The following TENM1 variants were observed in gnomAD, a reference collection of about 807,000 sequenced individuals.
TENM1 encodes teneurin transmembrane protein 1.
In TENM1, 35 loss-of-function variants were observed where a neutral mutation model predicts 174.8. The ratio of observed to expected loss-of-function variants is 0.20; its 90% confidence interval spans 0.15 to 0.27. TENM1 has a LOEUF of 0.27. Ranked by LOEUF, TENM1 falls within the 10% of genes least tolerant of loss-of-function variation. The pLI is 1.00. For synonymous variants in TENM1, 781 were observed against 798.7 expected (o/e 0.98, Z 0.37); for missense variants, 1,633 against 2,130.1 (o/e 0.77, Z 4.59).
chrX:125,190,086 C>T, the TENM1 span, among the ~76,000 whole-genome samples: 4 of 111,108 alleles, frequency 3.6e-5, no homozygotes, highest in Admixed American at 9.6e-5. Context: ...AGAAAATAAT[C>T]GTGTTAATAA....
intron 3 of TENM1, among the ~76,000 whole-genome samples, chrX:124,740,145 G>A (rs184896985): frequency 1.7e-3 from 190 of 111,737 alleles, no homozygotes; most frequent in African/African-American, 5.9e-3. Flanking sequence ...CGAGGGAAGG[G>A]AGGAAAAGGT....
chrX:124,554,113 C>G (rs763786372), intron 14 of TENM1, among the ~76,000 whole-genome samples: 3 of 110,718 alleles, frequency 2.7e-5, no homozygotes, highest in Admixed American at 9.6e-5. Flanking sequence ...CATCCTCCCC[C>G]CCAAAAAATG....
At chrX:124,684,775 C>G (rs1170640631) in intron 5 of TENM1, among the ~76,000 whole-genome samples, 2 of 111,776 alleles carry the variant, frequency 1.8e-5, no homozygotes, top group African/African-American at 3.3e-5. Flanking sequence ...CCCTTATAGC[C>G]CTAAGCTGCA....
chrX:124,752,515 T>C (rs899934402), intron 3 of TENM1, among the ~76,000 whole-genome samples: 1 of 111,950 alleles, frequency 8.9e-6, no homozygotes, highest in East Asian at 2.8e-4. Flanking sequence ...CATTTGTCAA[T>C]TTTGGCTTTC....
the TENM1 span, among the ~76,000 whole-genome samples, chrX:125,179,371 T>C: frequency 9.0e-6 from 1 of 110,539 alleles, no homozygotes; most frequent in Non-Finnish European, 1.9e-5. Flanking sequence ...CTGGTGCTTT[T>C]GGGAGGCTGA....
At chrX:125,039,711 G>A in the TENM1 span, among the ~76,000 whole-genome samples, 1 of 111,196 alleles carries the variant, frequency 9.0e-6, no homozygotes, top group Non-Finnish European at 1.9e-5. Context: ...AGATTAAATT[G>A]CAGTTTATGT....
At position 124,809,118 on chromosome X, in the gene TENM1, C is replaced by T. The variant is rs755742313; in HGVS notation, c.536-71921G>A. On this transcript the variant is annotated intron_variant, in intron 3 of 31. Coordinates refer to ENST00000422452, the Ensembl canonical transcript of TENM1. ...AAACGAAAATCAGACATGAAAAAGA[C>T]ATTACAACTAGTAACACAGAAATAC... Among the ~76,000 whole-genome samples, 3 of 111,131 alleles carry T rather than the reference C, an allele frequency of 2.7e-5. No homozygotes were observed. The South Asian group carries it at 1.1e-3, about 42-fold the overall frequency.
chrX:125,181,376 A>T, the TENM1 span, among the ~76,000 whole-genome samples: 1 of 111,418 alleles, frequency 9.0e-6, no homozygotes, highest in African/African-American at 3.3e-5. Context: ...CAGCATTTTT[A>T]AAAAGGAAGA....
chrX:125,122,777 T>C, the TENM1 span, among the ~76,000 whole-genome samples: 1 of 111,564 alleles, frequency 9.0e-6, no homozygotes, highest in Non-Finnish European at 1.9e-5. Context: ...AGTCAGCATT[T>C]ATTTATTTGG....
At chrX:124,503,798 C>CT in intron 18 of TENM1, 95 bp from the exon 22 acceptor site, 2 of 882,012 alleles carry the variant, frequency 2.3e-6, no homozygotes, top group South Asian at 5.1e-5. Flanking sequence ...ACTTTGGCTA[C>CT]TGAATTCTGA....
the TENM1 span, among the ~76,000 whole-genome samples, chrX:125,059,063 C>T: frequency 4.9e-3 from 540 of 109,526 alleles, 2 homozygotes; most frequent in African/African-American, 0.017. Context: ...CTCTTCTTAC[C>T]CCCTCACAAC....
chrX:124,797,766 G>T (rs1308721753), intron 3 of TENM1, among the ~76,000 whole-genome samples: 1 of 109,628 alleles, frequency 9.1e-6, no homozygotes, highest in African/African-American at 3.3e-5. Context: ...GTGCCTTGGT[G>T]GTTTTCTGCA....
intron 3 of TENM1, among the ~76,000 whole-genome samples, chrX:124,887,982 AAAAC>A (rs897845570): frequency 2.7e-5 from 3 of 112,336 alleles, no homozygotes; most frequent in South Asian, 3.6e-4. Context: ...AAAGAAATGG[AAAAC>A]AAACAAACAA....
At chrX:125,063,968 T>G in the TENM1 span, among the ~76,000 whole-genome samples, 2 of 111,429 alleles carry the variant, frequency 1.8e-5, no homozygotes, top group African/African-American at 6.6e-5. Context: ...CACCATGGAA[T>G]ACTATGCAGC....
chrX:124,956,791 T>C (rs2058580199), intron 1 of TENM1, among the ~76,000 whole-genome samples: 1 of 111,888 alleles, frequency 8.9e-6, no homozygotes, highest in South Asian at 3.7e-4. Context: ...ATTTCATAGG[T>C]TTTGCCACAT....
At chrX:124,945,162 AG>A (rs1272051200) in intron 1 of TENM1, among the ~76,000 whole-genome samples, 1 of 112,112 alleles carries the variant, frequency 8.9e-6, no homozygotes, top group African/African-American at 3.2e-5. Context: ...CAAGAGACCG[AG>A]CCAGGTCCCT....
intron 4 of TENM1, among the ~76,000 whole-genome samples, chrX:124,719,287 G>T (rs989977607): frequency 5.5e-5 from 6 of 109,626 alleles, no homozygotes; most frequent in African/African-American, 2.0e-4. Context: ...TGAACCCTAG[G>T]GCCAGAGAGC....
intron 3 of TENM1, among the ~76,000 whole-genome samples, chrX:124,846,132 C>T (rs374926275): frequency 1.8e-5 from 2 of 109,522 alleles, no homozygotes; most frequent in African/African-American, 6.6e-5. Context: ...TGATACAACG[C>T]AGGGAAAAAA....
chrX:124,742,065 A>AT (rs1427429253), intron 3 of TENM1, among the ~76,000 whole-genome samples: 1 of 111,794 alleles, frequency 8.9e-6, no homozygotes, highest in African/African-American at 3.2e-5. Context: ...CCAAATAGAC[A>AT]TTTTTCTTGA....
Sources: allele counts gnomAD v4.1 joint callset (sites outside exome capture counted in the v4.1 genomes callset), GRCh38; gene constraint gnomAD v4.1.1; transcripts MANE v1.5; gene names NCBI Gene and HGNC (gene_info 2026-07-23, HGNC 2026-07-21).